STXBP6: variants seen among roughly 807,000 people sequenced by gnomAD.
The protein encoded by STXBP6 is syntaxin-binding protein 6.
Under a neutral mutation model 26.9 loss-of-function variants are expected in STXBP6, and 21 were observed. That is an observed-to-expected ratio of 0.78 (90% CI 0.55 to 1.12). The LOEUF is 1.12. STXBP6 is among the 50% of genes most tolerant of loss of function. The probability of loss-of-function intolerance (pLI) is 0.00; values close to 1 mark genes in which losing one functional copy is unlikely to be tolerated. For missense variants in STXBP6, 232 were observed against 257.9 expected, an observed-to-expected ratio of 0.90 and a Z score of 0.69; for synonymous variants, 97 against 92.6, an observed-to-expected ratio of 1.05 and a Z score of -0.27.
chr14:24,845,612 G>A (rs2068936131), intron 4 of STXBP6, among the ~76,000 whole-genome samples: 1 of 152,070 alleles, frequency 6.6e-6, no homozygotes, highest in Non-Finnish European at 1.5e-5. Context: ...TTAAATGTAG[G>A]ACAATATTAC....
intron 2 of STXBP6, among the ~76,000 whole-genome samples, chr14:24,915,204 G>A (rs1205713546): frequency 6.6e-6 from 1 of 152,026 alleles, no homozygotes; most frequent in African/African-American, 2.4e-5. Flanking sequence ...ATGACTAAGA[G>A]CACAAATGAG....
intron 2 of STXBP6, among the ~76,000 whole-genome samples, chr14:24,897,717 A>G (rs1254949303): frequency 6.6e-6 from 1 of 152,190 alleles, no homozygotes; most frequent in African/African-American, 2.4e-5. Context: ...GGAGAGGTTT[A>G]GTAGGCTCTT....
chr14:24,945,445 C>T (rs1160931492), intron 2 of STXBP6, among the ~76,000 whole-genome samples: 1 of 151,932 alleles, frequency 6.6e-6, no homozygotes, highest in Admixed American at 6.6e-5. Context: ...TAGCACACAC[C>T]TGTAGTCCCA....
At chr14:25,016,687 C>CT (rs1469141754) in intron 1 of STXBP6, among the ~76,000 whole-genome samples, 1 of 152,118 alleles carries the variant, frequency 6.6e-6, no homozygotes, top group East Asian at 1.9e-4. Context: ...ATCAGGGAGA[C>CT]TCCTGGTTTG....
intron 1 of STXBP6, among the ~76,000 whole-genome samples, chr14:25,044,548 C>T (rs2075696594): frequency 6.6e-6 from 1 of 152,224 alleles, no homozygotes; most frequent in Non-Finnish European, 1.5e-5. Flanking sequence ...CGCCTCCACT[C>T]CTGCAACCAG....
At chr14:24,832,003 C>T (rs2068468812) in intron 4 of STXBP6, among the ~76,000 whole-genome samples, 1 of 152,046 alleles carries the variant, frequency 6.6e-6, no homozygotes, top group African/African-American at 2.4e-5. Flanking sequence ...TACTCTAGGT[C>T]TTCAAGCCTT....
At chr14:25,036,960 C>A (rs1268352270) in intron 1 of STXBP6, among the ~76,000 whole-genome samples, 1 of 151,672 alleles carries the variant, frequency 6.6e-6, no homozygotes, top group Non-Finnish European at 1.5e-5. Context: ...ACGGAATATA[C>A]ACGGAATATA....
At position 24,978,169 on chromosome 14, in the gene STXBP6, T is replaced by C. The variant is rs193080945; in HGVS notation, c.-32-3319A>G. Among the ~76,000 whole-genome samples, 450 of 152,382 alleles carry C rather than the reference T, an allele frequency of 3.0e-3. 2 individuals carry two copies. Among genetic ancestry groups the C allele is most frequent in the Non-Finnish European group, 4.9e-3 (334 of 68,038 alleles). On this transcript the variant is annotated intron_variant, in intron 1 of 5. Coordinates refer to ENST00000323944, the MANE Select transcript of STXBP6 (RefSeq NM_001394410.1). ...TAAGAGTATCCCAAATCTGATTGTA[T>C]GTCTGAATTCAGCATGGAGAGCTTT...
At chr14:24,895,738 T>C (rs1258804818) in intron 2 of STXBP6, among the ~76,000 whole-genome samples, 1 of 152,190 alleles carries the variant, frequency 6.6e-6, no homozygotes, top group African/African-American at 2.4e-5. Flanking sequence ...TATCAGAGCA[T>C]AGGCTCTGCA....
At chr14:24,904,164 G>A (rs1470599162) in intron 2 of STXBP6, among the ~76,000 whole-genome samples, 3 of 152,140 alleles carry the variant, frequency 2.0e-5, no homozygotes, top group Non-Finnish European at 2.9e-5. Context: ...ACCAAAACAA[G>A]TAAGAAACTG....
At chr14:24,943,639 T>C (rs17200933) in intron 2 of STXBP6, among the ~76,000 whole-genome samples, 8,456 of 152,340 alleles carry the variant, frequency 0.056, 338 homozygotes, top group Middle Eastern at 0.11. Flanking sequence ...AAAACATAAT[T>C]GCTATAAATA....
intron 2 of STXBP6, chr14:24,878,832 G>A (rs1305487162): frequency 2.2e-6 from 1 of 445,864 alleles, no homozygotes; most frequent in South Asian, 1.6e-5. Flanking sequence ...ACAGATTTAT[G>A]TCAACAATGC....
intron 4 of STXBP6, among the ~76,000 whole-genome samples, chr14:24,820,928 T>G (rs2068116101): frequency 6.6e-6 from 1 of 152,206 alleles, no homozygotes. Flanking sequence ...GACAGAATTG[T>G]GCGCAGACTA....
intron 2 of STXBP6, among the ~76,000 whole-genome samples, chr14:24,868,601 T>C (rs1424796507): frequency 6.6e-6 from 1 of 152,148 alleles, no homozygotes; most frequent in Non-Finnish European, 1.5e-5. Context: ...GAGACCCTGG[T>C]GAACAAGGCT....
At chr14:25,005,992 T>A (rs1305160821) in intron 1 of STXBP6, among the ~76,000 whole-genome samples, 1 of 152,200 alleles carries the variant, frequency 6.6e-6, no homozygotes, top group Non-Finnish European at 1.5e-5. Flanking sequence ...TTTGATCTTT[T>A]GGGATTTTGA....
At chr14:25,033,231 C>G (rs1485230531) in intron 1 of STXBP6, among the ~76,000 whole-genome samples, 2 of 152,148 alleles carry the variant, frequency 1.3e-5, no homozygotes, top group Non-Finnish European at 2.9e-5. Flanking sequence ...TGTTTCTCAC[C>G]CTGTACTTTC....
At chr14:24,831,047 T>C (rs886528175) in intron 4 of STXBP6, among the ~76,000 whole-genome samples, 1 of 152,134 alleles carries the variant, frequency 6.6e-6, no homozygotes, top group Non-Finnish European at 1.5e-5. Context: ...CATTATACCA[T>C]ATACAGCTTT....
chr14:24,886,916 T>G (rs1698694093), intron 2 of STXBP6, among the ~76,000 whole-genome samples: 1 of 152,224 alleles, frequency 6.6e-6, no homozygotes, highest in African/African-American at 2.4e-5. Context: ...TCCACAGGTA[T>G]TGAGCTATGC....
intron 2 of STXBP6, among the ~76,000 whole-genome samples, chr14:24,936,329 A>G (rs17257605): frequency 0.072 from 10,920 of 152,272 alleles, 697 homozygotes; most frequent in African/African-American, 0.17. Context: ...CCCTACTGTC[A>G]TTGGATGCAC....
Sources: gnomAD v4.1 joint callset for allele counts (sites outside exome capture counted in the v4.1 genomes callset) on GRCh38, gnomAD v4.1.1 for gene constraint, MANE v1.5 for transcripts, NCBI Gene and HGNC (gene_info 2026-07-23, HGNC 2026-07-21) for gene names.